Variants in PHLPP1 observed in about 807,000 individuals in gnomAD.
PHLPP1 encodes the protein PH domain and leucine rich repeat protein phosphatase 1.
PHLPP1 carries 42 observed loss-of-function variants against 117.2 expected under a neutral mutation model. That is an observed-to-expected ratio of 0.36 (90% CI 0.28 to 0.46). The LOEUF (loss-of-function observed/expected upper bound fraction) is 0.46. Ranked by LOEUF, PHLPP1 falls within the 20% of genes least tolerant of loss-of-function variation. PHLPP1 has a pLI of 1.00. For synonymous variants in PHLPP1, 1,042 were observed against 970.7 expected, an observed-to-expected ratio of 1.07 and a Z score of -1.37; for missense variants, 2,084 against 2,241.9, an observed-to-expected ratio of 0.93 and a Z score of 1.42.
chr18:62,883,886 A>G (rs975361952), intron 4 of PHLPP1, among the ~76,000 whole-genome samples: 1 of 152,206 alleles, frequency 6.6e-6, no homozygotes, highest in African/African-American at 2.4e-5. Context: ...CCATCACATG[A>G]GTCAATTAAA....
intron 2 of PHLPP1, among the ~76,000 whole-genome samples, chr18:62,836,432 AAAATAAATAAATAAATAAAT>A (rs370894334): frequency 0.019 from 2,663 of 136,952 alleles, 61 homozygotes; most frequent in African/African-American, 0.054. Context: ...ACTCCATCTA[AAAATAAATAAATAAATAAAT>A]AAATAAATAA....
intron 7 of PHLPP1, among the ~76,000 whole-genome samples, chr18:62,903,485 T>C (rs768541548): frequency 5.9e-5 from 9 of 152,226 alleles, no homozygotes; most frequent in Admixed American, 2.6e-4. Context: ...AGATCTTTAC[T>C]ACCTTATTAC....
rs188214461 is a variant in PHLPP1 at position 62,851,489 on chromosome 18, C to T, written c.1900-8946C>T. Among the ~76,000 whole-genome samples, 37 of 152,286 alleles carry T rather than the reference C, an allele frequency of 2.4e-4. 1 individual carries two copies. The East Asian group carries it at 3.5e-3, about 14-fold the overall frequency. On this transcript the variant is annotated intron_variant, in intron 3 of 16. Coordinates refer to ENST00000262719, the MANE Select transcript of PHLPP1 (RefSeq NM_194449.4). ...TATTTATTTATTTTTGAGATGGAGT[C>T]TTGCTCTGTCGCCTAGGCTGGAGTG...
At chr18:62,777,780 TC>T (rs1374494975) in intron 1 of PHLPP1, among the ~76,000 whole-genome samples, 1 of 152,216 alleles carries the variant, frequency 6.6e-6, no homozygotes, top group Non-Finnish European at 1.5e-5. Context: ...GTAAGGACTC[TC>T]TTTTAGAATA....
rs1309865258 is a variant in PHLPP1 at position 62,717,321 on chromosome 18, C to A, written c.1576+62C>A. 2.6e-6 allele frequency: 4 copies of A among 1,513,944 alleles called. No individual in the cohort carries two copies. The African/African-American group carries it at 4.2e-5, about 16-fold the overall frequency. The allele number at this position is 1,513,944 out of a possible 1,614,324, so 93.8% of individuals were successfully genotyped here. On this transcript the variant is annotated intron_variant, in intron 1 of 16. Transcript: ENST00000262719. Reference sequence around the variant, plus strand: ...AGCTGCCGAGGACCGAGGAGTGATTCAAATTGCTTGTCAGTTTGCCCAACC... The same window carrying A: ...AGCTGCCGAGGACCGAGGAGTGATTAAAATTGCTTGTCAGTTTGCCCAACC...
intron 1 of PHLPP1, among the ~76,000 whole-genome samples, chr18:62,789,432 A>G (rs1913393222): frequency 6.6e-6 from 1 of 152,218 alleles, no homozygotes; most frequent in Non-Finnish European, 1.5e-5. Context: ...GAAGAGTCAC[A>G]TGGACAAATA....
chr18:62,896,530 C>G (rs1316202440), intron 6 of PHLPP1, among the ~76,000 whole-genome samples: 1 of 151,980 alleles, frequency 6.6e-6, no homozygotes, highest in South Asian at 2.1e-4. Flanking sequence ...CTCCTGACCT[C>G]GTGATCCACC....
At position 62,881,847 on chromosome 18, in the gene PHLPP1, A is replaced by G. The variant is rs549157929; in HGVS notation, c.2067-13164A>G. 9.8e-5 allele frequency among the ~76,000 whole-genome samples: 15 copies of G among 152,364 alleles called. No individual in the cohort carries two copies. The East Asian group carries it at 2.1e-3, about 22-fold the overall frequency. On this transcript the variant is annotated intron_variant, in intron 4 of 16. Transcript: ENST00000262719. ...GATGTGAGAGTTCAGTTACAGGCCAATGGAGTTTGGGGGTGTGGACAACAG... is the reference window on the plus strand; with the variant it reads ...GATGTGAGAGTTCAGTTACAGGCCAGTGGAGTTTGGGGGTGTGGACAACAG...
At chr18:62,722,905 A>G (rs1910966189) in intron 1 of PHLPP1, among the ~76,000 whole-genome samples, 1 of 152,222 alleles carries the variant, frequency 6.6e-6, no homozygotes, top group African/African-American at 2.4e-5. Context: ...AAGCATAATA[A>G]CAGTTACTGG....
chr18:62,877,153 ATTCTGCTC>A (rs1429001897), intron 4 of PHLPP1, among the ~76,000 whole-genome samples: 1 of 152,176 alleles, frequency 6.6e-6, no homozygotes, highest in Non-Finnish European at 1.5e-5. Flanking sequence ...CTTATTTCCT[ATTCTGCTC>A]TTCTGCTCTT....
chr18:62,929,992 G>C (rs1295447732), intron 10 of PHLPP1, among the ~76,000 whole-genome samples: 3 of 151,644 alleles, frequency 2.0e-5, no homozygotes, highest in Non-Finnish European at 2.9e-5. Flanking sequence ...TGGGAAGAGA[G>C]AAAAAGGAAA....
At chr18:62,889,423 C>T (rs1246045084) in intron 4 of PHLPP1, 6 of 152,144 alleles carry the variant, frequency 3.9e-5, no homozygotes, top group Non-Finnish European at 8.8e-5. Context: ...ATGTTATCTC[C>T]CTCTACCTTG....
At chr18:62,747,621 A>C (rs1017406405) in intron 1 of PHLPP1, among the ~76,000 whole-genome samples, 3 of 151,772 alleles carry the variant, frequency 2.0e-5, no homozygotes, top group African/African-American at 7.3e-5. Context: ...GGCTCAAGCG[A>C]TTCTCCCACC....
At chr18:62,894,111 T>A (rs1435279742) in intron 4 of PHLPP1, among the ~76,000 whole-genome samples, 1 of 152,068 alleles carries the variant, frequency 6.6e-6, no homozygotes, top group East Asian at 1.9e-4. Context: ...AGGAAGGTAA[T>A]ACATGAGAAG....
chr18:62,918,951 A>G (rs979900259), intron 9 of PHLPP1, among the ~76,000 whole-genome samples: 13 of 152,214 alleles, frequency 8.5e-5, no homozygotes, highest in African/African-American at 2.4e-4. Context: ...GTTTTACACC[A>G]TAAATATATG....
intron 8 of PHLPP1, among the ~76,000 whole-genome samples, chr18:62,911,078 T>A (rs1393316802): frequency 5.8e-5 from 1 of 17,178 alleles, no homozygotes; most frequent in East Asian, 7.0e-4. Flanking sequence ...TAAATGGTGC[T>A]GGGAAAACTG....
rs532565995 is a variant in PHLPP1 at position 62,898,313 on chromosome 18, C to CT, written c.2444+2309dup. ...TCAACCAATTCTTTCTCATGGATTT[C>CT]TTTTTTTGCTGATAGCAACACCACC... On this transcript the variant is annotated intron_variant, in intron 6 of 16. Coordinates refer to ENST00000262719, the MANE Select transcript of PHLPP1 (RefSeq NM_194449.4). 5.5e-3 allele frequency among the ~76,000 whole-genome samples: 840 copies of CT among 152,292 alleles called. 5 individuals carry two copies. Among genetic ancestry groups the CT allele is most frequent in the Middle Eastern group, 0.017 (5 of 294 alleles).
rs369561521 is a variant in PHLPP1 at position 62,830,193 on chromosome 18, A to G, written c.1735A>G (p.Thr579Ala). 5.0e-5 allele frequency: 78 copies of G among 1,574,482 alleles called. No individual in the cohort carries two copies. The African/African-American group carries it at 9.6e-4, about 19-fold the overall frequency. ...LIVSSVKDSL[T>A]GKMHVLPLIG... ...AGTATCATCTGTGAAAGACAGCTTG[A>G]CCGGAAAGATGCATGTTCTGCCACT... Residue 579 changes from threonine to alanine, a missense_variant, in exon 2 of 17, where the codon ACC becomes GCC. Around this residue, in one of 2 missense-constraint regions of PHLPP1, gnomAD observed 1,365 missense variants for 1,605.9 expected, o/e 0.85. Coordinates refer to ENST00000262719, the MANE Select transcript of PHLPP1 (RefSeq NM_194449.4).
At position 62,762,225 on chromosome 18, in the gene PHLPP1, T is replaced by C. The variant is rs868575730; in HGVS notation, c.1576+44966T>C. Among the ~76,000 whole-genome samples, 15 of 151,932 alleles carry C rather than the reference T, an allele frequency of 9.9e-5. No homozygotes were observed. In the East Asian group the frequency reaches 2.7e-3, roughly 27 times the overall value. On this transcript the variant is annotated intron_variant, in intron 1 of 16. Coordinates refer to ENST00000262719, the MANE Select transcript of PHLPP1 (RefSeq NM_194449.4). ...TAGTTCAGGTCGTCACTCATCTGTA[T>C]TGAACAGATTGAGTCCTAAAGAGGG...
Sources: allele counts gnomAD v4.1 joint callset (sites outside exome capture counted in the v4.1 genomes callset), GRCh38; gene constraint gnomAD v4.1.1; regional missense constraint gnomAD v4.1.1; transcripts MANE v1.5; gene names NCBI Gene and HGNC (gene_info 2026-07-23, HGNC 2026-07-21).